The following ARSL variants were observed in gnomAD, a reference collection of about 807,000 sequenced individuals.
ARSL encodes the protein arylsulfatase E (chondrodysplasia punctata 1).
In ARSL, 4 loss-of-function variants were observed where a neutral mutation model predicts 31.1. That is an observed-to-expected ratio of 0.13 (90% CI 0.06 to 0.29). The LOEUF is 0.29. ARSL is among the 10% of genes least tolerant of loss of function. The probability of loss-of-function intolerance (pLI) is 1.00; values close to 1 mark genes in which losing one functional copy is unlikely to be tolerated. For missense variants in ARSL, 312 were observed against 497.8 expected (o/e 0.63, Z 3.55); for synonymous variants, 198 against 209.9 (o/e 0.94, Z 0.49).
chrX:2,943,269 G>A, intron 7 of ARSL, 70 bp from the exon 8 acceptor site: 1 of 1,154,436 alleles, frequency 8.7e-7, no homozygotes, highest in Non-Finnish European at 1.2e-6. Flanking sequence ...TGAAGTGTAT[G>A]CTTTAGCATT....
chrX:2,935,682 C>CTTTTTTT (rs890130664), intron 10 of ARSL, among the ~76,000 whole-genome samples: 1 of 96,678 alleles, frequency 1.0e-5, no homozygotes, highest in Non-Finnish European at 2.1e-5. Context: ...CTTTTCTTTT[C>CTTTTTTT]TTTTCTTTTC....
chrX:2,957,889 G>A (rs961362867), intron 3 of ARSL, among the ~76,000 whole-genome samples: 9 of 109,889 alleles, frequency 8.2e-5, no homozygotes, highest in Non-Finnish European at 1.3e-4. Flanking sequence ...GCATGATGGT[G>A]GGCACCTGCA....
At chrX:2,961,720 T>C (rs938458625) in intron 1 of ARSL, among the ~76,000 whole-genome samples, 5 of 111,500 alleles carry the variant, frequency 4.5e-5, no homozygotes, top group African/African-American at 1.6e-4. Flanking sequence ...ACTAAGACTC[T>C]AGCACCTTTT....
chrX:2,935,073 G>A lies in ARSL; in HGVS notation c.1529C>T (p.Pro510Leu). 1.7e-6 allele frequency: 2 copies of A among 1,211,352 alleles called. No homozygotes were observed. Among genetic ancestry groups the A allele is most frequent in the African/African-American group, 3.5e-5 (2 of 57,726 alleles). Residue 510 changes from proline (P) to leucine (L), a missense_variant, in exon 11 of 11, where the codon CCA becomes CTA. Physicochemically the swap from Pro to Leu is moderately conservative, Grantham distance 98. Coordinates refer to ENST00000381134, the MANE Select transcript of ARSL (RefSeq NM_000047.3). ...CFGEKVVHHD[P>L]PLLFDLSRDP... ...TCTTGAGAGGTCAAAGAGCAAAGGT[G>A]GATCGTGGTGGACTACTTTTTCCCC...
intron 8 of ARSL, among the ~76,000 whole-genome samples, chrX:2,941,420 A>T (rs561998621): frequency 1.4e-3 from 151 of 110,080 alleles, no homozygotes; most frequent in African/African-American, 4.8e-3. Flanking sequence ...ACACCCAGCT[A>T]ATTTTTGTAT....
At chrX:2,960,615 C>T (rs1335867601) in intron 1 of ARSL, 195 bp from the exon 2 acceptor site, 1 of 426,855 alleles carries the variant, frequency 2.3e-6, no homozygotes, top group Non-Finnish European at 4.0e-6. Context: ...ATGTTTAATA[C>T]TATGTTAAGA....
intron 9 of ARSL, among the ~76,000 whole-genome samples, chrX:2,937,767 A>T (rs1393073049): frequency 1.8e-5 from 2 of 111,660 alleles, no homozygotes; most frequent in East Asian, 5.6e-4. Flanking sequence ...AGGAAGTTGA[A>T]TCACTTATGT....
Position 2,957,175 on chromosome X carries a change from C to T in ARSL, c.185+1099G>A, listed in dbSNP as rs756164138. Among the ~76,000 whole-genome samples, 4 of 107,038 alleles carry T rather than the reference C, an allele frequency of 3.7e-5. No homozygotes were observed. The South Asian group carries it at 1.3e-3, about 34-fold the overall frequency. The allele number at this position is 107,038 out of a possible 115,157, so 92.9% of individuals were successfully genotyped here. On this transcript the variant is annotated intron_variant, in intron 3 of 10. Transcript: ENST00000381134. Reference sequence around the variant, plus strand: ...GACGGAGCTGGCAGTGAGCCAAGATCATGCCACTGCACTCCAGCCTGGGTG... The same window carrying T: ...GACGGAGCTGGCAGTGAGCCAAGATTATGCCACTGCACTCCAGCCTGGGTG...
Position 2,949,384 on chromosome X carries a change from G to T in ARSL, c.774C>A (p.Asn258Lys), listed in dbSNP as rs2089430315. ...IVHADCFLMR[N>K]HTITEQPMCF... ...ACATGGGCTGCTCCGTGATGGTGTG[G>T]TTTCTCATCAGAAAGCAATCGGCAT... Residue 258 changes from asparagine (N) to lysine (K), a missense_variant, in exon 6 of 11, where the codon AAC becomes AAA. Asn to Lys is a moderately conservative substitution (Grantham distance 94, BLOSUM62 0). Coordinates refer to ENST00000381134, the MANE Select transcript of ARSL (RefSeq NM_000047.3). 8.3e-7 allele frequency: 1 copy of T among 1,209,298 alleles called. No individual in the cohort carries two copies. The highest frequency in any genetic ancestry group is 1.1e-6 in the Non-Finnish European group (1 of 895,168).
In ARSL at chrX:2,943,010, T is replaced by C. The variant is rs138591239; in HGVS notation, c.1126+55A>G. 236 of 1,191,053 alleles carry C rather than the reference T, an allele frequency of 2.0e-4. No homozygotes were observed. In the African/African-American group the frequency reaches 3.8e-3, roughly 19 times the overall value. On this transcript the variant is annotated intron_variant, in intron 8 of 10. Transcript: ENST00000381134. ...CTGGAATAGATTGCCCTGCTGGGAATTGCAGGGAAGAGATAAACTTGCAAG... is the reference window on the plus strand; with the variant it reads ...CTGGAATAGATTGCCCTGCTGGGAACTGCAGGGAAGAGATAAACTTGCAAG...
At chrX:2,940,802 G>T (rs756616982) in intron 8 of ARSL, among the ~76,000 whole-genome samples, 7 of 110,940 alleles carry the variant, frequency 6.3e-5, no homozygotes, top group Admixed American at 9.7e-5. Flanking sequence ...AGGAGTGGTT[G>T]CATGCACCTG....
At chrX:2,960,129 C>T (rs371534296) in intron 2 of ARSL, among the ~76,000 whole-genome samples, 9 of 90,795 alleles carry the variant, frequency 9.9e-5, no homozygotes, top group Admixed American at 2.3e-4. Context: ...ATTAGCCGGG[C>T]GTGGTGGCAG....
intron 5 of ARSL, among the ~76,000 whole-genome samples, chrX:2,949,979 A>G (rs889994904): frequency 2.7e-5 from 3 of 111,661 alleles, no homozygotes; most frequent in Admixed American, 1.9e-4. Flanking sequence ...TTACTGTAAA[A>G]CTGTTCACTT....
chrX:2,965,806 TAGG>T (rs894710308), upstream of ARSL, among the ~76,000 whole-genome samples: 6 of 110,667 alleles, frequency 5.4e-5, no homozygotes, highest in African/African-American at 2.0e-4. Flanking sequence ...GAGGCTGAGA[TAGG>T]AGAATCGCTT....
chrX:2,941,285 C>T (rs1371928344), intron 8 of ARSL, among the ~76,000 whole-genome samples: 43 of 90,179 alleles, frequency 4.8e-4, no homozygotes, highest in African/African-American at 1.9e-3. Flanking sequence ...GATGGAGTTT[C>T]GCTTTGTCGC....
At chrX:2,935,418 GAGAA>G (rs1243075530) in intron 10 of ARSL, among the ~76,000 whole-genome samples, 1 of 112,218 alleles carries the variant, frequency 8.9e-6, no homozygotes, top group Admixed American at 9.5e-5. Flanking sequence ...ACTACGCTCA[GAGAA>G]AGAAGTTACA....
upstream of ARSL, among the ~76,000 whole-genome samples, chrX:2,965,682 C>G (rs1039008010): frequency 9.8e-5 from 11 of 111,802 alleles, no homozygotes; most frequent in Non-Finnish European, 2.1e-4. Context: ...GGGCTGATCA[C>G]CTGAGGTCAG....
At chrX:2,939,333 G>A (rs1278614205) in intron 8 of ARSL, among the ~76,000 whole-genome samples, 6 of 112,142 alleles carry the variant, frequency 5.4e-5, no homozygotes, top group Non-Finnish European at 1.1e-4. Context: ...AGCTTCTGGC[G>A]GGAACATTTC....
chrX:2,962,631 G>A (rs983530185), intron 1 of ARSL, among the ~76,000 whole-genome samples: 1 of 111,817 alleles, frequency 8.9e-6, no homozygotes, highest in Non-Finnish European at 1.9e-5. Flanking sequence ...TCCCCTCAAC[G>A]CCTTTTCGGG....
Sources: allele counts gnomAD v4.1 joint callset (sites outside exome capture counted in the v4.1 genomes callset), GRCh38; gene constraint gnomAD v4.1.1; transcripts MANE v1.5; gene names NCBI Gene and HGNC (gene_info 2026-07-23, HGNC 2026-07-21).